Variants in NDST1 observed in about 807,000 individuals in gnomAD.
The protein encoded by NDST1 is bifunctional heparan sulfate N-deacetylase/N-sulfotransferase 1.
Under a neutral mutation model 92.8 loss-of-function variants are expected in NDST1, and 35 were observed. The observed-to-expected ratio is 0.38, with a 90% CI of 0.29 to 0.50. The LOEUF is 0.50. Ranked by LOEUF, NDST1 falls within the 20% of genes least tolerant of loss-of-function variation. NDST1 has a pLI of 0.94. For missense variants in NDST1, 822 were observed against 1,182.7 expected (o/e 0.69, Z 4.47); for synonymous variants, 493 against 500.3 (o/e 0.99, Z 0.19).
In NDST1 at chr5:150,554,264, A is replaced by G. The variant is rs548613496; in HGVS notation, c.*932A>G. 3 of 384,860 alleles carry G rather than the reference A, an allele frequency of 7.8e-6. No homozygotes were observed. The highest frequency in any genetic ancestry group is 6.3e-5 in the African/African-American group (3 of 47,608). The allele number at this position is 384,860 out of a possible 1,614,324, so 23.8% of individuals were successfully genotyped here. A position where few individuals can be genotyped will look rare whatever the true frequency, so the allele number is the denominator to read the frequency against. Reference sequence around the variant, plus strand: ...ACCTCCCAAATACTAAGAAGCTAAAATATTTTAATATTTTGTTTTTTTTTT... The same window carrying G: ...ACCTCCCAAATACTAAGAAGCTAAAGTATTTTAATATTTTGTTTTTTTTTT... On this transcript the variant is annotated 3_prime_UTR_variant, in exon 15 of 15. Coordinates refer to ENST00000261797, the MANE Select transcript of NDST1 (RefSeq NM_001543.5).
intron 6 of NDST1, among the ~76,000 whole-genome samples, chr5:150,537,140 C>T (rs1755028958): frequency 6.6e-6 from 1 of 152,238 alleles, no homozygotes; most frequent in Admixed American, 6.5e-5. Context: ...TTAATCCCGT[C>T]ATCTTCATAA....
intron 1 of NDST1, among the ~76,000 whole-genome samples, chr5:150,516,976 AGTGTGTGTGTGT>A (rs56170880): frequency 0.012 from 1,749 of 143,708 alleles, 13 homozygotes; most frequent in African/African-American, 0.019. Context: ...GACATTTTCT[AGTGTGTGTGTGT>A]GTGTGTGTGT....
chr5:150,505,131 G>T (rs1413701955), upstream of NDST1, among the ~76,000 whole-genome samples: 1 of 152,240 alleles, frequency 6.6e-6, no homozygotes, highest in Non-Finnish European at 1.5e-5. Context: ...CACAGCGGTG[G>T]CTGTGGTGTG....
At chr5:150,531,103 A>G (rs1435522515) in intron 3 of NDST1, among the ~76,000 whole-genome samples, 1 of 152,096 alleles carries the variant, frequency 6.6e-6, no homozygotes, top group Non-Finnish European at 1.5e-5. Flanking sequence ...ACAGCCTACA[A>G]CAGAGCCCTT....
chr5:150,510,513 C>A (rs1161002190), intron 1 of NDST1, among the ~76,000 whole-genome samples: 2 of 150,606 alleles, frequency 1.3e-5, no homozygotes, highest in African/African-American at 5.0e-5. Flanking sequence ...AGGACTGTCC[C>A]GTCCTTGGGA....
intron 4 of NDST1, among the ~76,000 whole-genome samples, chr5:150,534,430 T>C (rs913242074): frequency 6.6e-6 from 1 of 152,174 alleles, no homozygotes; most frequent in South Asian, 2.1e-4. Context: ...ACCCTTAGCA[T>C]ATCAGAGGTG....
At chr5:150,509,081 TGACTGGGAGGGAAG>T (rs1489791117) in intron 1 of NDST1, among the ~76,000 whole-genome samples, 2 of 152,054 alleles carry the variant, frequency 1.3e-5, no homozygotes, top group African/African-American at 2.4e-5. Flanking sequence ...AGGAAGGGGA[TGACTGGGAGGGAAG>T]GACTGGGAGG....
At chr5:150,532,654 G>A (rs1486709134) in intron 3 of NDST1, among the ~76,000 whole-genome samples, 1 of 152,082 alleles carries the variant, frequency 6.6e-6, no homozygotes, top group East Asian at 1.9e-4. Flanking sequence ...AGCTTCCCAA[G>A]TAGCTGGGAT....
At chr5:150,543,095 A>G in intron 10 of NDST1, 124 bp downstream of exon 10, 1 of 1,304,434 alleles carries the variant, frequency 7.7e-7, no homozygotes. Flanking sequence ...TCCTGTAAAC[A>G]GGGACAAAGT....
At position 150,553,028 on chromosome 5, in the gene NDST1, G is replaced by A. The variant is rs576264790; in HGVS notation, c.2530-185G>A. Among the ~76,000 whole-genome samples, 1 of 152,116 alleles carries A rather than the reference G, an allele frequency of 6.6e-6. No homozygotes were observed. The highest frequency in any genetic ancestry group is 6.5e-5 in the Admixed American group (1 of 15,288). The stretch of plus-strand genomic sequence containing the variant: ...CACCCCGCTAATTTTTGTATTTTTA[G>A]TAGGGTTTTCCCATGTTGGCCAGGC... On this transcript the variant is annotated intron_variant, in intron 14 of 14. Coordinates refer to ENST00000261797, the MANE Select transcript of NDST1 (RefSeq NM_001543.5). This position sits in a 1 kb window ranked among gnomAD's most constrained non-coding sequence, Gnocchi z 4.2.
At chr5:150,503,266 A>C (rs1753309304), upstream of NDST1, among the ~76,000 whole-genome samples, 1 of 152,106 alleles carries the variant, frequency 6.6e-6, no homozygotes, top group South Asian at 2.1e-4. Flanking sequence ...AATATGGAGA[A>C]ACCCCGTCTC....
At position 150,540,150 on chromosome 5, in the gene NDST1, C is replaced by G. The variant is rs1000776454; in HGVS notation, c.1635C>G (p.His545Gln). Reference protein sequence around the residue: ...NDRLGLYTFKHLVRFLHSWTN... With the variant: ...NDRLGLYTFKQLVRFLHSWTN... ...GCCTGGGCCTGTACACCTTCAAGCA[C>G]CTGGTGCGCTTCCTGCACTCCTGGA... The change falls in exon 8 of 15, where the codon CAC becomes CAG. Residue 545 changes from histidine to glutamine, a missense_variant. Physicochemically the swap from His to Gln is conservative, Grantham distance 24. Coordinates refer to ENST00000261797, the MANE Select transcript of NDST1 (RefSeq NM_001543.5). 4 of 1,614,134 alleles carry G rather than the reference C, an allele frequency of 2.5e-6. No homozygotes were observed. Among genetic ancestry groups the G allele is most frequent in the African/African-American group, 1.3e-5 (1 of 74,940 alleles).
intron 1 of NDST1, among the ~76,000 whole-genome samples, chr5:150,516,945 C>T (rs967589755): frequency 2.7e-5 from 4 of 150,532 alleles, no homozygotes; most frequent in South Asian, 2.1e-4. Flanking sequence ...GGATGACAGG[C>T]GTGAGCCACC....
chr5:150,506,523 C>A (rs962669498), upstream of NDST1, among the ~76,000 whole-genome samples: 33 of 152,184 alleles, frequency 2.2e-4, no homozygotes, highest in African/African-American at 7.5e-4. Flanking sequence ...ATGAACTGTT[C>A]TGGACCCCTG....
At chr5:150,541,131 C>G (rs1755227523) in intron 8 of NDST1, among the ~76,000 whole-genome samples, 1 of 152,210 alleles carries the variant, frequency 6.6e-6, no homozygotes, top group Non-Finnish European at 1.5e-5. Flanking sequence ...TGGCAGACAG[C>G]CACGCTCATT....
intron 4 of NDST1, 131 bp downstream of exon 4, chr5:150,533,163 G>A (rs1754821280): frequency 3.3e-6 from 3 of 902,594 alleles, no homozygotes; most frequent in Non-Finnish European, 5.4e-6. Context: ...TGACCCCTCT[G>A]CCCCCGTGGA....
At position 150,549,305 on chromosome 5, in the gene NDST1, C is replaced by T. The variant is rs1472446499; in HGVS notation, c.2317-373C>T. Among the ~76,000 whole-genome samples, 5 of 152,244 alleles carry T rather than the reference C, an allele frequency of 3.3e-5. 1 individual carries two copies. The highest frequency in any genetic ancestry group is 5.9e-5 in the Non-Finnish European group (4 of 68,048). ...GAGATTACAGGTGTGAGCCACCGTG[C>T]CCGGCCATGCCCAGCCATACCAGGC... On this transcript the variant is annotated intron_variant, in intron 12 of 14. Coordinates refer to ENST00000261797, the MANE Select transcript of NDST1 (RefSeq NM_001543.5).
chr5:150,539,890 G>C (rs1182083718), intron 7 of NDST1, 192 bp from the exon 8 acceptor site: 1 of 818,406 alleles, frequency 1.2e-6, no homozygotes, highest in African/African-American at 1.9e-5. Flanking sequence ...TAATATTTGG[G>C]GTCAGTCAGG....
Position 150,519,852 on chromosome 5 carries a change from CTCTT to C in NDST1, c.-387-1013_-387-1010del, listed in dbSNP as rs759136413. Among the ~76,000 whole-genome samples, 4 of 152,210 alleles carry C rather than the reference CTCTT, an allele frequency of 2.6e-5. No homozygotes were observed. The South Asian group carries it at 6.2e-4, about 24-fold the overall frequency. ...TGTCGTGTATGTACGTCTTCGTTAA[CTCTT>C]TCCAGTGAGATGAGTATAGGAGGCG... On this transcript the variant is annotated intron_variant, in intron 1 of 14. Coordinates refer to ENST00000261797, the MANE Select transcript of NDST1 (RefSeq NM_001543.5).
Sources: allele counts gnomAD v4.1 joint callset (sites outside exome capture counted in the v4.1 genomes callset), GRCh38; gene constraint gnomAD v4.1.1; non-coding constraint Gnocchi (gnomAD v3.1); transcripts MANE v1.5; gene names NCBI Gene and HGNC (gene_info 2026-07-23, HGNC 2026-07-21).